The following SIN3A variants were observed in gnomAD, a reference collection of about 807,000 sequenced individuals.
The protein encoded by SIN3A is paired amphipathic helix protein Sin3a.
In SIN3A, 14 loss-of-function variants were observed where a neutral mutation model predicts 146.1. The ratio of observed to expected loss-of-function variants is 0.10; its 90% confidence interval spans 0.06 to 0.15. The LOEUF is 0.15. SIN3A is among the 10% of genes least tolerant of loss of function. The pLI is 1.00. For synonymous variants in SIN3A, 572 were observed against 572.0 expected, an observed-to-expected ratio of 1.00 and a Z score of 0.00; for missense variants, 1,028 against 1,576.0, an observed-to-expected ratio of 0.65 and a Z score of 5.89.
At chr15:75,376,860 A>T (rs909198304) in intron 19 of SIN3A, among the ~76,000 whole-genome samples, 37 of 52,804 alleles carry the variant, frequency 7.0e-4, no homozygotes, top group Non-Finnish European at 9.3e-4. Flanking sequence ...ACACTGTCTT[A>T]AAAAAAAAAA....
chr15:75,392,424 T>C lies in SIN3A; in HGVS notation c.2669A>G (p.Asn890Ser). Residue 890 changes from asparagine to serine, a missense_variant, in exon 15 of 21, where the codon AAC becomes AGC. Around this residue, in one of 9 missense-constraint regions of SIN3A, gnomAD observed 488 missense variants for 690.2 expected, o/e 0.71. Coordinates refer to ENST00000394947, the MANE Select transcript of SIN3A (RefSeq NM_001145358.2). ...CAGTCGCATAAAAATATACCAGTTG[T>C]TGTTGACATAGAAGAGGTTGTATAC... The part of the protein sequence containing the change: ...DEVYNLFYVN[N>S]NWYIFMRLHQ... 5 of 1,614,228 alleles carry C rather than the reference T, an allele frequency of 3.1e-6. No individual in the cohort carries two copies. The highest frequency in any genetic ancestry group is 4.2e-6 in the Non-Finnish European group (5 of 1,180,036).
At chr15:75,404,671 G>C (rs893419994) in intron 9 of SIN3A, among the ~76,000 whole-genome samples, 1 of 151,564 alleles carries the variant, frequency 6.6e-6, no homozygotes, top group African/African-American at 2.4e-5. Flanking sequence ...GAGGCAGGAG[G>C]ATTGCGTGAA....
chr15:75,412,786 G>A lies in SIN3A; in HGVS notation c.733C>T (p.Pro245Ser), dbSNP rs2141498148. The change falls in exon 5 of 21, where the codon CCC (proline) becomes TCC (serine). Residue 245 changes from proline to serine, a missense_variant. By Grantham distance (74) the Pro-to-Ser change is moderately conservative (BLOSUM62 -1). Around this residue, in one of 9 missense-constraint regions of SIN3A, gnomAD observed 112 missense variants for 135.7 expected, o/e 0.83. Transcript: ENST00000394947. Reference protein sequence around the residue: ...APAPAQPAPQPPPAKVSKPSQ... With the variant: ...APAPAQPAPQSPPAKVSKPSQ... ...ACCTTGCTGACTTTGGCAGGTGGGGGCTGAGGAGCTGGCTGGGCAGGAGCT... is the reference window on the plus strand; with the variant it reads ...ACCTTGCTGACTTTGGCAGGTGGGGACTGAGGAGCTGGCTGGGCAGGAGCT... The A allele has an allele frequency of 6.3e-7, 1 of 1,595,836 alleles. No homozygotes were observed. Among genetic ancestry groups the A allele is most frequent in the Non-Finnish European group, 8.6e-7 (1 of 1,169,166 alleles).
chr15:75,435,468 C>T (rs1164045327), intron 1 of SIN3A, among the ~76,000 whole-genome samples: 5 of 152,096 alleles, frequency 3.3e-5, no homozygotes, highest in African/African-American at 9.7e-5. Context: ...GAGGCCGAGG[C>T]GGGTGGATCA....
chr15:75,450,605 T>C (rs967236493), intron 1 of SIN3A, among the ~76,000 whole-genome samples: 2 of 152,158 alleles, frequency 1.3e-5, no homozygotes, highest in Non-Finnish European at 2.9e-5. Flanking sequence ...GCTCCCACTC[T>C]CCTGGCTGCA....
At chr15:75,432,083 CTAG>C (rs1462191880) in intron 1 of SIN3A, among the ~76,000 whole-genome samples, 1 of 152,128 alleles carries the variant, frequency 6.6e-6, no homozygotes, top group Non-Finnish European at 1.5e-5. Flanking sequence ...AATGTCTTAG[CTAG>C]TTATGCTTTC....
At position 75,400,033 on chromosome 15, in the gene SIN3A, C is replaced by T. The variant is rs1430125401; in HGVS notation, c.1854+7G>A. 1.3e-6 allele frequency: 2 copies of T among 1,503,458 alleles called. No individual in the cohort carries two copies. The highest frequency in any genetic ancestry group is 3.4e-5 in the Admixed American group (2 of 59,556). The allele number at this position is 1,503,458 out of a possible 1,614,324, so 93.1% of individuals were successfully genotyped here. ...CCCCCAACTTCAAATGCCAAACAAG[C>T]TTGTACCTCAAAGCGTTCATCTTCA... On this transcript the variant is annotated splice_region_variant and intron_variant, in intron 12 of 20. Transcript: ENST00000394947.
At chr15:75,408,246 G>C (rs935970007) in intron 8 of SIN3A, among the ~76,000 whole-genome samples, 9 of 152,196 alleles carry the variant, frequency 5.9e-5, no homozygotes, top group African/African-American at 2.2e-4. Flanking sequence ...CTACTGAGCT[G>C]ATTCTTGCTA....
chr15:75,452,627 TAA>T (rs956486823), upstream of SIN3A, among the ~76,000 whole-genome samples: 5 of 152,180 alleles, frequency 3.3e-5, no homozygotes, highest in African/African-American at 1.2e-4. Flanking sequence ...TATGCAGTCC[TAA>T]GAGGGCGGAG....
At position 75,375,793 on chromosome 15, in the gene SIN3A, T is replaced by C. The variant is rs2072842923; in HGVS notation, c.3463A>G (p.Thr1155Ala). 1 of 1,614,222 alleles carries C rather than the reference T, an allele frequency of 6.2e-7. No individual in the cohort carries two copies. The highest frequency in any genetic ancestry group is 1.1e-5 in the South Asian group (1 of 91,088). The change falls in exon 20 of 21, where the codon ACC becomes GCC. Residue 1155 changes from threonine (T) to alanine (A), a missense_variant. Coordinates refer to ENST00000394947, the MANE Select transcript of SIN3A (RefSeq NM_001145358.2). ...KEGKEGNSKK[T>A]MENVDSLDKL... ...TCCAGACTATCCACATTCTCCATGG[T>C]CTTCTTGCTGTTTCCTTCCTTCCCT...
chr15:75,419,587 A>C (rs998288383), intron 3 of SIN3A: 1 of 152,126 alleles, frequency 6.6e-6, no homozygotes, highest in African/African-American at 2.4e-5. Context: ...TGGGAGGCCA[A>C]GGAGGGTGGA....
intron 3 of SIN3A, among the ~76,000 whole-genome samples, chr15:75,417,028 T>C (rs1010787919): frequency 6.6e-6 from 1 of 151,718 alleles, no homozygotes. Flanking sequence ...CTGGGTTTTA[T>C]AGTGGCTTTT....
At chr15:75,394,895 A>G (rs762636827) in intron 13 of SIN3A, 32 bp from the exon 14 acceptor site, 2 of 1,591,444 alleles carry the variant, frequency 1.3e-6, no homozygotes, top group Non-Finnish European at 8.6e-7. Context: ...GAAACAACAC[A>G]TGGGAATTCA....
At chr15:75,374,958 C>T (rs372812543) in intron 20 of SIN3A, among the ~76,000 whole-genome samples, 3 of 152,120 alleles carry the variant, frequency 2.0e-5, no homozygotes, top group African/African-American at 4.8e-5. Context: ...ACACCCTATA[C>T]GCAGCTGCAC....
At chr15:75,395,600 C>T (rs543618758) in intron 13 of SIN3A, among the ~76,000 whole-genome samples, 31 of 152,218 alleles carry the variant, frequency 2.0e-4, no homozygotes, top group African/African-American at 7.5e-4. Flanking sequence ...ACAGTGTGGT[C>T]AATAATGACA....
At chr15:75,455,439 C>T (rs541660154), upstream of SIN3A, among the ~76,000 whole-genome samples, 13 of 152,182 alleles carry the variant, frequency 8.5e-5, no homozygotes, top group Non-Finnish European at 1.6e-4. Context: ...GTCTCCTGCC[C>T]GCCCCTTCTC....
intron 12 of SIN3A, 100 bp from the exon 13 acceptor site, chr15:75,396,596 T>C: frequency 1.2e-6 from 1 of 831,912 alleles, no homozygotes; most frequent in Non-Finnish European, 1.9e-6. Context: ...TCCTTGGATT[T>C]GAATCCTGGT....
intron 1 of SIN3A, among the ~76,000 whole-genome samples, chr15:75,441,609 C>G (rs916039569): frequency 6.6e-6 from 1 of 152,154 alleles, no homozygotes; most frequent in African/African-American, 2.4e-5. Context: ...AGGTACACAC[C>G]ACCACGCTTG....
chr15:75,439,149 G>T (rs2074156487), intron 1 of SIN3A, among the ~76,000 whole-genome samples: 2 of 151,918 alleles, frequency 1.3e-5, no homozygotes, highest in South Asian at 4.1e-4. Flanking sequence ...TAGTAATGAT[G>T]GAAGACATTT....
Sources: allele counts gnomAD v4.1 joint callset (sites outside exome capture counted in the v4.1 genomes callset), GRCh38; gene constraint gnomAD v4.1.1; regional missense constraint gnomAD v4.1.1; transcripts MANE v1.5; gene names NCBI Gene and HGNC (gene_info 2026-07-23, HGNC 2026-07-21).